EXOC6: variants seen among roughly 807,000 people sequenced by gnomAD.
EXOC6 encodes the protein SEC15-like 1.
In EXOC6, 60 loss-of-function variants were observed where a neutral mutation model predicts 112.5. The ratio of observed to expected loss-of-function variants is 0.53; its 90% CI spans 0.43 to 0.66. EXOC6 has a LOEUF of 0.66. Ranked by LOEUF, EXOC6 falls within the 30% of genes least tolerant of loss-of-function variation. EXOC6 has a pLI of 0.00. For synonymous variants in EXOC6, 295 were observed against 308.0 expected (o/e 0.96, Z 0.44); for missense variants, 855 against 957.1 (o/e 0.89, Z 1.41).
chr10:92,899,719 A>G, intron 5 of EXOC6, 75 bp downstream of exon 5: 2 of 1,066,354 alleles, frequency 1.9e-6, no homozygotes, highest in Non-Finnish European at 2.8e-6. Context: ...CATTTACTAT[A>G]AATCATAGTG....
At chr10:92,848,327 A>C (rs1847134957), upstream of EXOC6, 1 of 176,364 alleles carries the variant, frequency 5.7e-6, no homozygotes. Context: ...CGCCGCCCGT[A>C]GCCCCAGCTC....
chr10:93,037,301 A>T (rs1351923287), intron 20 of EXOC6, among the ~76,000 whole-genome samples: 1 of 151,640 alleles, frequency 6.6e-6, no homozygotes, highest in Non-Finnish European at 1.5e-5. Flanking sequence ...CACCACACCC[A>T]GCTGATTTTT....
intron 20 of EXOC6, among the ~76,000 whole-genome samples, chr10:93,048,755 C>CAA (rs11368682): frequency 0.39 from 42,042 of 107,300 alleles, 8,431 homozygotes; most frequent in East Asian, 0.86. Flanking sequence ...GACTCCGTCT[C>CAA]AAAAAAAAAA....
intron 13 of EXOC6, among the ~76,000 whole-genome samples, chr10:92,945,043 A>ATT (rs1027958874): frequency 2.0e-5 from 3 of 152,066 alleles, no homozygotes; most frequent in Non-Finnish European, 4.4e-5. Context: ...AAGTGCTGGG[A>ATT]TTACAGGTGC....
At chr10:93,050,617 G>C (rs1379589776) in intron 20 of EXOC6, among the ~76,000 whole-genome samples, 1 of 151,774 alleles carries the variant, frequency 6.6e-6, no homozygotes, top group Admixed American at 6.6e-5. Flanking sequence ...AAAATTAGCC[G>C]GGCATGGTGG....
intron 19 of EXOC6, among the ~76,000 whole-genome samples, chr10:93,003,913 A>T (rs1179026489): frequency 6.6e-6 from 1 of 152,198 alleles, no homozygotes; most frequent in African/African-American, 2.4e-5. Context: ...CACTGTGATA[A>T]GACAATGTTT....
At chr10:92,934,634 T>C (rs1009603963) in intron 11 of EXOC6, among the ~76,000 whole-genome samples, 3 of 152,256 alleles carry the variant, frequency 2.0e-5, no homozygotes, top group African/African-American at 7.2e-5. Flanking sequence ...CAAAACACCT[T>C]TATTCTAGCA....
chr10:92,867,410 G>C (rs1217652447), intron 1 of EXOC6, among the ~76,000 whole-genome samples: 1 of 152,120 alleles, frequency 6.6e-6, no homozygotes, highest in East Asian at 1.9e-4. Context: ...GAGGATGGGG[G>C]AAGCGGGGAT....
chr10:92,975,946 C>T (rs1398777921), intron 18 of EXOC6, among the ~76,000 whole-genome samples: 7 of 142,956 alleles, frequency 4.9e-5, no homozygotes, highest in Non-Finnish European at 6.2e-5. Context: ...GCCCGGCCAG[C>T]CGCCCCGTCC....
chr10:92,827,329 C>G (rs932499304), intron 1 of EXOC6, among the ~76,000 whole-genome samples: 5 of 151,556 alleles, frequency 3.3e-5, no homozygotes, highest in Admixed American at 1.3e-4. Context: ...CAAAAACTAG[C>G]CAGGCATGGT....
intron 9 of EXOC6, among the ~76,000 whole-genome samples, chr10:92,930,924 A>G (rs763009686): frequency 5.3e-5 from 8 of 151,818 alleles, no homozygotes; most frequent in Non-Finnish European, 1.0e-4. Context: ...GCATCCTAGC[A>G]AACATGGTGA....
At chr10:92,919,068 A>T (rs1346222251) in intron 7 of EXOC6, among the ~76,000 whole-genome samples, 1 of 152,056 alleles carries the variant, frequency 6.6e-6, no homozygotes, top group Non-Finnish European at 1.5e-5. Flanking sequence ...TATTCAGAGG[A>T]CCTCTGTATT....
At chr10:92,838,903 C>T (rs957864289) in intron 1 of EXOC6, among the ~76,000 whole-genome samples, 8 of 152,120 alleles carry the variant, frequency 5.3e-5, no homozygotes, top group Non-Finnish European at 8.8e-5. Flanking sequence ...AAAACCTCAT[C>T]TCTACTGAAA....
At chr10:93,009,667 T>G (rs930304933) in intron 19 of EXOC6, among the ~76,000 whole-genome samples, 8 of 152,108 alleles carry the variant, frequency 5.3e-5, no homozygotes, top group African/African-American at 1.9e-4. Context: ...AAATAAGAGT[T>G]TACCCAGATG....
At chr10:92,954,552 CTG>C (rs1192785963) in intron 15 of EXOC6, 76 bp from the exon 16 acceptor site, 29 of 615,128 alleles carry the variant, frequency 4.7e-5, no homozygotes, top group South Asian at 4.4e-4. Flanking sequence ...TTTTAGTAAA[CTG>C]TGTTAAATTA....
intron 19 of EXOC6, among the ~76,000 whole-genome samples, chr10:93,001,868 A>G (rs890693456): frequency 6.6e-6 from 1 of 152,166 alleles, no homozygotes; most frequent in Admixed American, 6.5e-5. Flanking sequence ...CCTTATTCTT[A>G]TTCTTCTTAT....
chr10:92,935,816 C>T lies in EXOC6; in HGVS notation c.1143C>T (p.Ser381=), dbSNP rs1852308901. ...KIIAVLRAHS[S]YCTDPDLVLE... Reference sequence around the variant, plus strand: ...TGTTTGTGTGTTTCCACCCTCAGTCCTATTGCACTGATCCTGATCTTGTTC... The same window carrying T: ...TGTTTGTGTGTTTCCACCCTCAGTCTTATTGCACTGATCCTGATCTTGTTC... Residue 381 remains serine (S), a splice_region_variant and synonymous_variant, in exon 12 of 22, where the codon TCC becomes TCT. Coordinates refer to ENST00000260762, the MANE Select transcript of EXOC6 (RefSeq NM_019053.6). 1.9e-6 allele frequency: 3 copies of T among 1,605,104 alleles called. No individual in the cohort carries two copies. The highest frequency in any genetic ancestry group is 2.7e-5 in the African/African-American group (2 of 74,550).
intron 1 of EXOC6, among the ~76,000 whole-genome samples, chr10:92,882,185 A>G (rs969543511): frequency 2.0e-5 from 3 of 152,094 alleles, no homozygotes; most frequent in African/African-American, 4.8e-5. Context: ...CTAACTAACT[A>G]TAGTAGAAAT....
chr10:92,954,571 A>G (rs1335850453), intron 15 of EXOC6, 59 bp from the exon 16 acceptor site: 4 of 789,418 alleles, frequency 5.1e-6, no homozygotes, highest in South Asian at 1.7e-5. Context: ...ATTATTTAGG[A>G]TGTTAACTAA....
Sources: allele counts gnomAD v4.1 joint callset (sites outside exome capture counted in the v4.1 genomes callset), GRCh38; gene constraint gnomAD v4.1.1; transcripts MANE v1.5; gene names NCBI Gene and HGNC (gene_info 2026-07-23, HGNC 2026-07-21).